CNTLN: variants seen among roughly 807,000 people sequenced by gnomAD.
The protein encoded by CNTLN is centlein, centrosomal protein.
A neutral mutation model predicts 180.0 loss-of-function variants in CNTLN; 212 were observed. The ratio of observed to expected loss-of-function variants is 1.18; its 90% CI spans 1.05 to 1.32. The LOEUF is 1.32. Ranked by LOEUF, CNTLN falls within the 40% of genes most tolerant of loss-of-function variation. The pLI is 0.00. For missense variants in CNTLN, 2,095 were observed against 1,610.9 expected, an observed-to-expected ratio of 1.30 and a Z score of -5.14; for synonymous variants, 722 against 563.1, an observed-to-expected ratio of 1.28 and a Z score of -3.99.
intron 24 of CNTLN, 31 bp downstream of exon 24, chr9:17,484,511 G>C: frequency 6.6e-7 from 1 of 1,522,344 alleles, no homozygotes; most frequent in East Asian, 2.3e-5. Flanking sequence ...ATTATTAAAG[G>C]GTTTATTATA....
rs1216646054 is a variant in CNTLN at position 17,256,226 on chromosome 9, GT to G, written c.850-17502del. 2.0e-5 allele frequency among the ~76,000 whole-genome samples: 3 copies of G among 151,906 alleles called. No homozygotes were observed. The East Asian group carries it at 5.8e-4, about 29-fold the overall frequency. On this transcript the variant is annotated intron_variant, in intron 5 of 25. Coordinates refer to ENST00000380647, the MANE Select transcript of CNTLN (RefSeq NM_017738.4). ...GTGATGCATATACAAATACATGTGT[GT>G]TTTTGGTAGAAAAATTTATTTTTCT... is the stretch of plus-strand genomic sequence containing the variant.
chr9:17,201,451 A>G (rs551922185), intron 2 of CNTLN, among the ~76,000 whole-genome samples: 143 of 152,258 alleles, frequency 9.4e-4, no homozygotes, highest in Admixed American at 1.9e-3. Flanking sequence ...TCAGCTGTGA[A>G]TCCGTCTGGA....
chr9:17,333,909 G>A (rs1000296641), intron 10 of CNTLN, among the ~76,000 whole-genome samples: 13 of 152,174 alleles, frequency 8.5e-5, no homozygotes, highest in African/African-American at 3.1e-4. Flanking sequence ...ACAGGAGACT[G>A]TTAAATGAGT....
At chr9:17,417,583 A>G (rs944746044) in intron 18 of CNTLN, among the ~76,000 whole-genome samples, 1 of 152,096 alleles carries the variant, frequency 6.6e-6, no homozygotes, top group African/African-American at 2.4e-5. Flanking sequence ...TGATATTGTC[A>G]GAGGAAAATT....
intron 2 of CNTLN, among the ~76,000 whole-genome samples, chr9:17,217,535 A>G (rs1266196150): frequency 1.3e-5 from 2 of 152,254 alleles, no homozygotes; most frequent in Admixed American, 1.3e-4. Context: ...CACTTTATTC[A>G]GCACAGGCAG....
At chr9:17,279,514 A>C (rs887580175) in intron 6 of CNTLN, among the ~76,000 whole-genome samples, 1 of 152,116 alleles carries the variant, frequency 6.6e-6, no homozygotes, top group African/African-American at 2.4e-5. Flanking sequence ...ACCTTTTTCC[A>C]GGAGAACAGC....
rs1346185651 is a variant in CNTLN at position 17,466,096 on chromosome 9, C to T, written c.3647C>T (p.Ser1216Phe). The change falls in exon 22 of 26, where the codon TCT becomes TTT. Residue 1216 changes from serine (S) to phenylalanine (F), a missense_variant. Transcript: ENST00000380647. ...KSQYEQMYQK[S>F]KEELEKKDLK... The stretch of plus-strand genomic sequence containing the variant: ...CAGTATGAACAGATGTATCAGAAAT[C>T]TAAAGAGGAGTTAGAAAAAAAGGTA... The T allele has an allele frequency of 1.9e-6, 3 of 1,602,410 alleles. No homozygotes were observed. The highest frequency in any genetic ancestry group is 1.1e-5 in the South Asian group (1 of 89,788).
chr9:17,409,306 G>A lies in CNTLN; in HGVS notation c.2629G>A (p.Ala877Thr). The change falls in exon 16 of 26, where the codon GCA becomes ACA. Residue 877 changes from alanine to threonine, a missense_variant. Coordinates refer to ENST00000380647, the MANE Select transcript of CNTLN (RefSeq NM_017738.4). ...DVSESSSDSEAQTSQTLGTII... is the reference protein window; with the variant it reads ...DVSESSSDSETQTSQTLGTII... ...TTTTCTAAAAAGCAGTGATTCTGAA[G>A]CACAGACCTCTCAAACTTTGGGAAC... The A allele has an allele frequency of 1.9e-6, 3 of 1,612,204 alleles. No homozygotes were observed. Among genetic ancestry groups the A allele is most frequent in the Non-Finnish European group, 2.5e-6 (3 of 1,179,362 alleles).
chr9:17,455,685 A>G (rs1380026149), intron 18 of CNTLN, among the ~76,000 whole-genome samples: 2 of 152,162 alleles, frequency 1.3e-5, no homozygotes, highest in African/African-American at 4.8e-5. Flanking sequence ...CACCACGTGT[A>G]GAGTCATCCA....
chr9:17,295,969 TGAGAGA>T lies in CNTLN; in HGVS notation c.984-2197_984-2192del, dbSNP rs113148833. On this transcript the variant is annotated intron_variant, in intron 6 of 25. Transcript: ENST00000380647. ...GTATGAGCATCTCCCTACTCTTCAG[TGAGAGA>T]GAGAGAGAGAGAGAGAGAGAGAGTG... Among the ~76,000 whole-genome samples the T allele has an allele frequency of 2.7e-3, 318 of 119,862 alleles. 2 individuals carry two copies. Among genetic ancestry groups the T allele is most frequent in the Admixed American group, 0.014 (153 of 11,294 alleles). 78.6% of individuals were successfully genotyped at this position (119,862 alleles called of 152,430 possible).
intron 5 of CNTLN, among the ~76,000 whole-genome samples, chr9:17,266,967 A>C (rs1482309663): frequency 6.6e-6 from 1 of 152,238 alleles, no homozygotes; most frequent in Non-Finnish European, 1.5e-5. Context: ...AATACAGCAC[A>C]CTGATGGGTC....
intron 2 of CNTLN, 140 bp downstream of exon 2, chr9:17,143,516 G>T: frequency 1.6e-6 from 1 of 639,828 alleles, no homozygotes; most frequent in African/African-American, 1.9e-5. Flanking sequence ...AAATTAAATT[G>T]TTGGATTTAT....
intron 23 of CNTLN, among the ~76,000 whole-genome samples, chr9:17,484,069 G>A (rs1215226717): frequency 6.6e-6 from 1 of 152,084 alleles, no homozygotes; most frequent in African/African-American, 2.4e-5. Flanking sequence ...AAGAGGGATG[G>A]GGGAGCTTTG....
chr9:17,211,770 C>A (rs1010622583), intron 2 of CNTLN, among the ~76,000 whole-genome samples: 1 of 152,184 alleles, frequency 6.6e-6, no homozygotes, highest in Non-Finnish European at 1.5e-5. Context: ...AGGTCCTTCA[C>A]ATCCCTTGTA....
chr9:17,280,909 T>C (rs368279892), intron 6 of CNTLN, among the ~76,000 whole-genome samples: 21 of 152,186 alleles, frequency 1.4e-4, no homozygotes, highest in African/African-American at 4.8e-4. Flanking sequence ...TAGGCTGATG[T>C]AGCAATTAGT....
In CNTLN at chr9:17,135,386, A is replaced by G. The variant is rs1430046311; in HGVS notation, c.321A>G (p.Glu107=). 1.3e-6 allele frequency: 2 copies of G among 1,598,276 alleles called. No individual in the cohort carries two copies. The highest frequency in any genetic ancestry group is 3.5e-5 in the Admixed American group (2 of 57,072). ...TGACCCGGACGCAGCTGCTGGAGGA[A>G]GAGCTGAGCAGCCTAAAGGAGGAGT... ...AMVTRTQLLE[E]ELSSLKEELA... is the part of the protein sequence containing the mutation. The change falls in exon 1 of 26, where the codon GAA becomes GAG. Residue 107 remains glutamate (E), a synonymous_variant. Transcript: ENST00000380647.
chr9:17,222,019 A>T (rs201637780), intron 2 of CNTLN, among the ~76,000 whole-genome samples: 34 of 152,052 alleles, frequency 2.2e-4, no homozygotes, highest in Admixed American at 1.3e-4. Context: ...AAGATGTTGG[A>T]CTGCAGTTCT....
intron 2 of CNTLN, among the ~76,000 whole-genome samples, chr9:17,196,293 G>A (rs1423324220): frequency 6.6e-6 from 1 of 152,024 alleles, no homozygotes; most frequent in Non-Finnish European, 1.5e-5. Context: ...CAAAATGCAG[G>A]GATTACAGGC....
intron 2 of CNTLN, among the ~76,000 whole-genome samples, chr9:17,181,153 T>G (rs539469477): frequency 5.9e-5 from 9 of 152,244 alleles, no homozygotes; most frequent in African/African-American, 1.7e-4. Context: ...GCCTTCTTTC[T>G]CTTCTACCTA....
Sources: gnomAD v4.1 joint callset for allele counts (sites outside exome capture counted in the v4.1 genomes callset) on GRCh38, gnomAD v4.1.1 for gene constraint, MANE v1.5 for transcripts, NCBI Gene and HGNC (gene_info 2026-07-23, HGNC 2026-07-21) for gene names.